Variants in FAM20B observed in about 807,000 individuals in gnomAD.
The protein encoded by FAM20B is FAM20B glycosaminoglycan xylosylkinase, also known as glycosaminoglycan xylosylkinase.
A neutral mutation model predicts 43.8 loss-of-function variants in FAM20B; 23 were observed. The ratio of observed to expected loss-of-function variants is 0.53; its 90% CI spans 0.38 to 0.74. The LOEUF is 0.74. FAM20B is among the 30% of genes least tolerant of loss of function. The pLI is 0.00. For missense variants in FAM20B, 440 were observed against 510.5 expected (o/e 0.86, Z 1.33); for synonymous variants, 178 against 192.4 (o/e 0.93, Z 0.62).
chr1:179,019,275 G>A, the FAM20B span, among the ~76,000 whole-genome samples: 2 of 152,174 alleles, frequency 1.3e-5, no homozygotes, highest in Non-Finnish European at 2.9e-5. Flanking sequence ...ATGAGCAGTG[G>A]TTGGGTGGCT....
At chr1:179,068,129 G>T (rs1651767865) in intron 7 of FAM20B, among the ~76,000 whole-genome samples, 1 of 152,148 alleles carries the variant, frequency 6.6e-6, no homozygotes, top group Admixed American at 6.5e-5. Context: ...TGGCTACACA[G>T]AAAAACAAGT....
intron 1 of FAM20B, among the ~76,000 whole-genome samples, chr1:179,037,868 G>T (rs1650314910): frequency 1.3e-5 from 2 of 152,056 alleles, no homozygotes; most frequent in South Asian, 4.1e-4. Flanking sequence ...TTCGTCTGAG[G>T]CCGCTTCAAA....
chr1:179,065,448 A>G (rs1308291522), intron 6 of FAM20B, among the ~76,000 whole-genome samples: 1 of 152,204 alleles, frequency 6.6e-6, no homozygotes. Flanking sequence ...CATTTAATAA[A>G]TATTTACTAA....
chr1:179,044,129 G>A lies in FAM20B; in HGVS notation c.282G>A (p.Lys94=), dbSNP rs765315106. ...LGAVMHAMAT[K]KIIKADVGYK... ...CAGTCATGCATGCCATGGCCACCAA[G>A]AAAATCATTAAAGCTGATGTGGGTT... Residue 94 remains lysine, a synonymous_variant, in exon 2 of 8, where the codon AAG becomes AAA. Coordinates refer to ENST00000263733, the MANE Select transcript of FAM20B (RefSeq NM_014864.4). 4.3e-6 allele frequency: 7 copies of A among 1,614,162 alleles called. No individual in the cohort carries two copies. In the South Asian group the frequency reaches 5.5e-5, roughly 13 times the overall value.
At chr1:179,035,966 C>T (rs1024067376) in intron 1 of FAM20B, among the ~76,000 whole-genome samples, 2 of 151,968 alleles carry the variant, frequency 1.3e-5, no homozygotes, top group Middle Eastern at 3.2e-3. Context: ...CCCGTCTCTA[C>T]TAAAAATACA....
intron 4 of FAM20B, among the ~76,000 whole-genome samples, chr1:179,057,728 G>A (rs1224220280): frequency 6.6e-6 from 1 of 151,782 alleles, no homozygotes; most frequent in African/African-American, 2.4e-5. Context: ...GACAGGTACT[G>A]AGCTAGGTGC....
At chr1:179,063,880 G>A (rs771966357) in intron 4 of FAM20B, 47 bp from the exon 5 acceptor site, 15 of 1,413,098 alleles carry the variant, frequency 1.1e-5, no homozygotes, top group Middle Eastern at 1.9e-4. Context: ...AGAACTTGGA[G>A]TCTTCGTTAT....
At chr1:179,050,708 T>C (rs940936187) in intron 3 of FAM20B, among the ~76,000 whole-genome samples, 10 of 152,260 alleles carry the variant, frequency 6.6e-5, no homozygotes, top group African/African-American at 2.4e-4. Context: ...TGTTTTGTTA[T>C]GTATTTGTTT....
chr1:179,042,298 G>T (rs74129741), intron 1 of FAM20B, among the ~76,000 whole-genome samples: 2,492 of 152,312 alleles, frequency 0.016, 83 homozygotes, highest in African/African-American at 0.058. Context: ...ACGCACGCTG[G>T]GGCTGCTGTG....
intron 1 of FAM20B, among the ~76,000 whole-genome samples, chr1:179,033,221 G>A (rs1650080718): frequency 6.6e-6 from 1 of 152,202 alleles, no homozygotes; most frequent in Non-Finnish European, 1.5e-5. Context: ...AATGTGTGAG[G>A]TTAGCCTTGA....
intron 1 of FAM20B, chr1:179,035,711 CTT>C: frequency 3.1e-6 from 1 of 324,160 alleles, no homozygotes; most frequent in Non-Finnish European, 5.9e-6. Context: ...TAAGACCTCA[CTT>C]TTTTTCTGTG....
chr1:179,046,493 A>G (rs1650777857), intron 2 of FAM20B, among the ~76,000 whole-genome samples: 1 of 151,650 alleles, frequency 6.6e-6, no homozygotes, highest in South Asian at 2.1e-4. Flanking sequence ...TCTACTAAAA[A>G]TACAAAAAAT....
chr1:179,036,923 A>C (rs1177659515), intron 1 of FAM20B, among the ~76,000 whole-genome samples: 1 of 152,158 alleles, frequency 6.6e-6, no homozygotes, highest in Admixed American at 6.6e-5. Flanking sequence ...ATTGGAAGAA[A>C]TGTTAAGAGA....
At chr1:179,062,540 C>T (rs1024876790) in intron 4 of FAM20B, among the ~76,000 whole-genome samples, 1 of 151,996 alleles carries the variant, frequency 6.6e-6, no homozygotes, top group Non-Finnish European at 1.5e-5. Context: ...GTCCCAGCTA[C>T]TCGGGAGGCT....
At chr1:179,041,257 G>T (rs1334718910) in intron 1 of FAM20B, among the ~76,000 whole-genome samples, 1 of 152,208 alleles carries the variant, frequency 6.6e-6, no homozygotes, top group African/African-American at 2.4e-5. Flanking sequence ...ACGGGGTGGC[G>T]GCCGAGCAGA....
intron 1 of FAM20B, among the ~76,000 whole-genome samples, chr1:179,036,670 T>C (rs1017204867): frequency 6.6e-6 from 1 of 152,224 alleles, no homozygotes; most frequent in African/African-American, 2.4e-5. Context: ...GGAAACCCTG[T>C]CTCTGGTACT....
intron 1 of FAM20B, among the ~76,000 whole-genome samples, chr1:179,032,756 C>T (rs73043669): frequency 0.014 from 2,111 of 152,202 alleles, 48 homozygotes; most frequent in African/African-American, 0.048. Context: ...GTTGAAGACC[C>T]TCATGTGAAG....
chr1:179,050,076 A>G (rs927574146), intron 2 of FAM20B, among the ~76,000 whole-genome samples: 2 of 152,232 alleles, frequency 1.3e-5, no homozygotes, highest in Admixed American at 1.3e-4. Flanking sequence ...GGTGACGTAG[A>G]TAGAGAATTC....
At chr1:179,028,042 T>C (rs1238170719) in intron 1 of FAM20B, among the ~76,000 whole-genome samples, 1 of 152,226 alleles carries the variant, frequency 6.6e-6, no homozygotes, top group Non-Finnish European at 1.5e-5. Flanking sequence ...AATTTTAAAT[T>C]CCTAAATGAA....
Sources: allele counts gnomAD v4.1 joint callset (sites outside exome capture counted in the v4.1 genomes callset), GRCh38; gene constraint gnomAD v4.1.1; transcripts MANE v1.5; gene names NCBI Gene and HGNC (gene_info 2026-07-23, HGNC 2026-07-21).